ASS1: variants seen among roughly 807,000 people sequenced by gnomAD.
ASS1 encodes the protein argininosuccinate synthase 1.
ASS1 carries 58 observed loss-of-function variants against 60.5 expected under a neutral mutation model. The observed-to-expected ratio is 0.96, with a 90% CI of 0.78 to 1.19. The LOEUF (loss-of-function observed/expected upper bound fraction) is 1.19, where lower values mean the gene tolerates loss of function less well. ASS1 is among the 50% of genes most tolerant of loss of function. ASS1 has a pLI of 0.00. For missense variants in ASS1, 454 were observed against 547.3 expected (o/e 0.83, Z 1.70); for synonymous variants, 200 against 206.9 (o/e 0.97, Z 0.29).
At chr9:130,487,417 A>AACTGTTTTTTTAAACAGTTTT (rs1462621901) in intron 11 of ASS1, among the ~76,000 whole-genome samples, 2 of 148,116 alleles carry the variant, frequency 1.4e-5, no homozygotes, top group Non-Finnish European at 3.0e-5. Context: ...TTTTTTTTTA[A>AACTGTTTTTTTAAACAGTTTT]TTTAAAACTG....
intron 13 of ASS1, among the ~76,000 whole-genome samples, chr9:130,496,874 C>T (rs1846617450): frequency 6.6e-6 from 1 of 152,250 alleles, no homozygotes; most frequent in Non-Finnish European, 1.5e-5. Flanking sequence ...AGACGTGGGT[C>T]CCCTAAGGCC....
Position 130,499,512 on chromosome 9 carries a change from G to C in ASS1, c.1135G>C (p.Val379Leu), listed in dbSNP as rs78549067. The C allele has an allele frequency of 1.9e-5, 31 of 1,613,598 alleles. No individual in the cohort carries two copies. In the Admixed American group the frequency reaches 5.2e-4, roughly 27 times the overall value. ...LYNEELVSMNVQGDYEPTDAT... is the reference protein window; with the variant it reads ...LYNEELVSMNLQGDYEPTDAT... ...CTTCTACTCTCCTTGCAGCATGAAC[G>C]TGCAGGGTGATTATGAGCCAACTGA... Residue 379 changes from valine to leucine, a missense_variant, in exon 14 of 15, where the codon GTG (valine) becomes CTG (leucine). Transcript: ENST00000352480.
chr9:130,449,684 G>A (rs1295748061), intron 1 of ASS1, among the ~76,000 whole-genome samples: 1 of 152,106 alleles, frequency 6.6e-6, no homozygotes, highest in Non-Finnish European at 1.5e-5. Context: ...CGAGATGCAG[G>A]GCAAGTTCCT....
chr9:130,492,232 T>G (rs7040689), intron 12 of ASS1, among the ~76,000 whole-genome samples: 14,994 of 152,212 alleles, frequency 0.099, 821 homozygotes, highest in Non-Finnish European at 0.1. Context: ...CAGGGCTGTC[T>G]CTTCCTTGAG....
chr9:130,496,817 C>T (rs996759109), intron 13 of ASS1, among the ~76,000 whole-genome samples: 1 of 152,166 alleles, frequency 6.6e-6, no homozygotes, highest in African/African-American at 2.4e-5. Context: ...GGTCACCTGG[C>T]CAAACTAGAG....
At chr9:130,498,867 G>C (rs1846668498) in intron 13 of ASS1, among the ~76,000 whole-genome samples, 2 of 152,176 alleles carry the variant, frequency 1.3e-5, no homozygotes, top group Admixed American at 6.5e-5. Context: ...GAGTCTGAGA[G>C]GTGGAAACTG....
At chr9:130,452,952 A>G (rs1019189737) in intron 2 of ASS1, among the ~76,000 whole-genome samples, 2 of 152,208 alleles carry the variant, frequency 1.3e-5, no homozygotes, top group Non-Finnish European at 2.9e-5. Context: ...TAGAAACTGA[A>G]CTCAAACCAA....
At position 130,477,665 on chromosome 9, in the gene ASS1, T is replaced by G. The variant is rs1846054091; in HGVS notation, c.688+704T>G. Reference sequence around the variant, plus strand: ...GATGGAGAAGCGAGGCATGCCCGCCTGGGCTCAGAGGGAGGGCTCAGAGGG... The same window carrying G: ...GATGGAGAAGCGAGGCATGCCCGCCGGGGCTCAGAGGGAGGGCTCAGAGGG... On this transcript the variant is annotated intron_variant, in intron 9 of 14. Coordinates refer to ENST00000352480, the MANE Select transcript of ASS1 (RefSeq NM_054012.4). This position sits in a 1 kb window ranked among gnomAD's most constrained non-coding sequence, Gnocchi z 4.2. Among the ~76,000 whole-genome samples the G allele has an allele frequency of 6.6e-6, 1 of 152,192 alleles. No individual in the cohort carries two copies. The highest frequency in any genetic ancestry group is 2.4e-5 in the African/African-American group (1 of 41,462).
chr9:130,457,885 G>T (rs190967784), intron 3 of ASS1, among the ~76,000 whole-genome samples: 1 of 152,246 alleles, frequency 6.6e-6, no homozygotes, highest in African/African-American at 2.4e-5. Context: ...CAGGCTGGCC[G>T]CGGTGGCTTG....
At chr9:130,448,308 G>A (rs1257075442) in intron 1 of ASS1, among the ~76,000 whole-genome samples, 5 of 151,970 alleles carry the variant, frequency 3.3e-5, no homozygotes, top group Non-Finnish European at 7.4e-5. Context: ...ACCCACACAC[G>A]TGTGCATGCA....
At chr9:130,450,858 G>A (rs1463897116) in intron 1 of ASS1, among the ~76,000 whole-genome samples, 67 of 152,230 alleles carry the variant, frequency 4.4e-4, no homozygotes, top group Non-Finnish European at 5.9e-5. Context: ...AAGACCCTGG[G>A]TGACTCTGAC....
chr9:130,463,150 C>T (rs552109042), intron 4 of ASS1, among the ~76,000 whole-genome samples: 4 of 152,248 alleles, frequency 2.6e-5, no homozygotes, highest in African/African-American at 7.2e-5. Flanking sequence ...TAATTCCCAC[C>T]GCTGCCTGGC....
intron 4 of ASS1, among the ~76,000 whole-genome samples, chr9:130,462,194 ACT>A (rs1845614129): frequency 6.6e-6 from 1 of 151,400 alleles, no homozygotes; most frequent in Non-Finnish European, 1.5e-5. Flanking sequence ...TGATTCTGAG[ACT>A]CTAGCCGGGG....
intron 4 of ASS1, among the ~76,000 whole-genome samples, chr9:130,462,546 G>A (rs1845624653): frequency 6.6e-6 from 1 of 152,178 alleles, no homozygotes; most frequent in Admixed American, 6.5e-5. Context: ...TGTCCGCATG[G>A]CAGCATCTGG....
rs755575017 is a variant in ASS1, at chr9:130,499,464, C to T, written c.1128-41C>T. ...AGCAGTCCTCCCTTCAAGCAGAGGC[C>T]AGGGCCAGGCTGAGCTGACAAGCTT... On this transcript the variant is annotated intron_variant, in intron 13 of 14. Transcript: ENST00000352480. 3 of 1,602,448 alleles carry T rather than the reference C, an allele frequency of 1.9e-6. No homozygotes were observed. The East Asian group carries it at 6.7e-5, about 36-fold the overall frequency.
chr9:130,468,760 A>G (rs1378948763), intron 6 of ASS1, among the ~76,000 whole-genome samples: 2 of 152,038 alleles, frequency 1.3e-5, no homozygotes, highest in Admixed American at 1.3e-4. Context: ...TTTTTTTTGT[A>G]GAGACAGGGT....
rs1355666688 is a variant in ASS1, at chr9:130,495,012, G to T, written c.1116G>T (p.Glu372Asp). Residue 372 changes from glutamate (E) to aspartate (D), a missense_variant, in exon 13 of 15, where the codon GAG becomes GAT. Transcript: ENST00000352480. The stretch of plus-strand genomic sequence containing the variant: ...AGTCCCCACTGTCTCTCTACAATGA[G>T]GAGCTGGTGAGGTAGGTGCCCCACA... Reference protein sequence around the residue: ...GRESPLSLYNEELVSMNVQGD... With the variant: ...GRESPLSLYNDELVSMNVQGD... The T allele has an allele frequency of 6.2e-7, 1 of 1,612,130 alleles. No homozygotes were observed.
chr9:130,489,363 T>A lies in ASS1; in HGVS notation c.869T>A (p.Leu290His). The stretch of plus-strand genomic sequence containing the variant: ...TACGAGACCCCAGCAGGCACCATCC[T>A]TTACCATGCTCATTTAGACATCGAG... ...GIYETPAGTI[L>H]YHAHLDIEAF... The change falls in exon 12 of 15, where the codon CTT (leucine) becomes CAT (histidine). Residue 290 changes from leucine (L) to histidine (H), a missense_variant. Coordinates refer to ENST00000352480, the MANE Select transcript of ASS1 (RefSeq NM_054012.4). This position sits in a 1 kb window ranked among gnomAD's most constrained non-coding sequence, Gnocchi z 4.1. 1 of 1,614,016 alleles carries A rather than the reference T, an allele frequency of 6.2e-7. No homozygotes were observed. Among genetic ancestry groups the A allele is most frequent in the Non-Finnish European group, 8.5e-7 (1 of 1,180,006 alleles).
At chr9:130,457,730 C>G (rs2131873240) in intron 3 of ASS1, among the ~76,000 whole-genome samples, 1 of 152,260 alleles carries the variant, frequency 6.6e-6, no homozygotes, top group African/African-American at 2.4e-5. Flanking sequence ...AATGCCTCCC[C>G]TACTCCCACC....
Sources: allele counts gnomAD v4.1 joint callset (sites outside exome capture counted in the v4.1 genomes callset), GRCh38; gene constraint gnomAD v4.1.1; non-coding constraint Gnocchi (gnomAD v3.1); transcripts MANE v1.5; gene names NCBI Gene and HGNC (gene_info 2026-07-23, HGNC 2026-07-21).